The following OCA2 variants were observed in gnomAD, a reference collection of about 807,000 sequenced individuals.
OCA2 encodes P protein.
OCA2 carries 77 observed loss-of-function variants against 100.2 expected under a neutral mutation model. The observed-to-expected ratio is 0.77, with a 90% CI of 0.64 to 0.93. OCA2 has a LOEUF of 0.93. Among genes scored for constraint, OCA2 ranks in the 40% least tolerant of loss-of-function variants. The pLI is 0.00. For missense variants in OCA2, 1,062 were observed against 1,089.1 expected (o/e 0.98, Z 0.35); for synonymous variants, 432 against 439.2 (o/e 0.98, Z 0.21).
intron 2 of OCA2, among the ~76,000 whole-genome samples, chr15:28,062,243 T>C (rs1344486775): frequency 6.6e-6 from 1 of 152,242 alleles, no homozygotes. Context: ...ATTGCCATCT[T>C]TTTTATGATA....
intron 21 of OCA2, among the ~76,000 whole-genome samples, chr15:27,869,489 C>T (rs2036458495): frequency 6.6e-6 from 1 of 152,310 alleles, no homozygotes; most frequent in African/African-American, 2.4e-5. Context: ...TCTCTGATTC[C>T]ATTTTTTAAA....
At chr15:27,876,547 T>C (rs755875493) in intron 19 of OCA2, among the ~76,000 whole-genome samples, 31 of 152,180 alleles carry the variant, frequency 2.0e-4, no homozygotes, top group Non-Finnish European at 2.4e-4. Flanking sequence ...TTGAGAAAAT[T>C]AAACAGGGAA....
intron 16 of OCA2, 41 bp from the exon 17 acceptor site, chr15:27,955,256 G>A (rs764913532): frequency 1.4e-5 from 20 of 1,455,708 alleles, no homozygotes; most frequent in South Asian, 1.3e-4. Flanking sequence ...CCCTGGTCAC[G>A]CTGCGTGGTG....
chr15:28,054,216 A>ATGTG (rs71932584), intron 2 of OCA2, among the ~76,000 whole-genome samples: 13,978 of 152,120 alleles, frequency 0.092, 821 homozygotes, highest in African/African-American at 0.16. Flanking sequence ...GTGTGTATGT[A>ATGTG]TGTGTATGTG....
At chr15:28,056,372 C>T (rs913077930) in intron 2 of OCA2, among the ~76,000 whole-genome samples, 1 of 152,208 alleles carries the variant, frequency 6.6e-6, no homozygotes, top group Non-Finnish European at 1.5e-5. Flanking sequence ...GTTCCTATTG[C>T]TTGTGCAACT....
intron 14 of OCA2, among the ~76,000 whole-genome samples, chr15:27,973,757 C>A (rs1799336188): frequency 6.6e-6 from 1 of 152,138 alleles, no homozygotes; most frequent in African/African-American, 2.4e-5. Flanking sequence ...TGCATTGAAT[C>A]TGTAAGTTAC....
intron 18 of OCA2, 124 bp from the exon 19 acceptor site, chr15:27,926,378 T>G (rs1460358781): frequency 1.0e-6 from 1 of 980,070 alleles, no homozygotes; most frequent in Non-Finnish European, 1.6e-6. Flanking sequence ...CGCATATATG[T>G]AAAATGCATA....
chr15:28,013,850 T>A (rs1015790765), intron 9 of OCA2, among the ~76,000 whole-genome samples: 3 of 151,838 alleles, frequency 2.0e-5, no homozygotes, highest in African/African-American at 7.3e-5. Context: ...TAAAAGAAAA[T>A]GGATAGAAAA....
At chr15:28,036,335 G>A (rs1242050311) in intron 2 of OCA2, among the ~76,000 whole-genome samples, 1 of 152,100 alleles carries the variant, frequency 6.6e-6, no homozygotes, top group South Asian at 2.1e-4. Flanking sequence ...GAAGTTTCTT[G>A]GTGCCCATGG....
intron 21 of OCA2, among the ~76,000 whole-genome samples, chr15:27,853,823 C>A (rs973302946): frequency 2.1e-4 from 32 of 152,078 alleles, no homozygotes; most frequent in Non-Finnish European, 4.7e-4. Flanking sequence ...GAGGAGAGCA[C>A]CAATGGTGGC....
At chr15:27,752,794 TCCCCCA>T (rs1201177227), downstream of OCA2, among the ~76,000 whole-genome samples, 1 of 25,404 alleles carries the variant, frequency 3.9e-5, no homozygotes. Flanking sequence ...CAGGTCCTGG[TCCCCCA>T]CCCCCCCCCC....
chr15:27,903,401 A>G (rs900299193), intron 19 of OCA2, among the ~76,000 whole-genome samples: 6 of 152,190 alleles, frequency 3.9e-5, no homozygotes, highest in Non-Finnish European at 8.8e-5. Flanking sequence ...CCTGCCTCAG[A>G]AAGTGTCGCT....
intron 23 of OCA2, among the ~76,000 whole-genome samples, chr15:27,821,042 A>G (rs2034483049): frequency 6.6e-6 from 1 of 152,214 alleles, no homozygotes; most frequent in African/African-American, 2.4e-5. Flanking sequence ...ATTCCAAAAC[A>G]ATGTCTCAAG....
intron 14 of OCA2, among the ~76,000 whole-genome samples, chr15:27,978,939 G>A (rs904943917): frequency 2.0e-5 from 3 of 152,046 alleles, no homozygotes; most frequent in African/African-American, 4.8e-5. Flanking sequence ...CACCAGCCTC[G>A]GCCTCCCAAA....
At chr15:27,999,965 A>T (rs2041876296) in intron 9 of OCA2, among the ~76,000 whole-genome samples, 1 of 152,228 alleles carries the variant, frequency 6.6e-6, no homozygotes, top group African/African-American at 2.4e-5. Flanking sequence ...AAATCAAAGA[A>T]GATACAAATA....
intron 23 of OCA2, among the ~76,000 whole-genome samples, chr15:27,773,159 T>TA (rs1245602693): frequency 2.0e-5 from 3 of 152,240 alleles, no homozygotes; most frequent in African/African-American, 7.2e-5. Flanking sequence ...TCTCTCAAGT[T>TA]ACTCTGATCA....
chr15:28,022,694 G>GCCA, intron 5 of OCA2, 121 bp from the exon 6 acceptor site: 2 of 737,976 alleles, frequency 2.7e-6, no homozygotes, highest in Non-Finnish European at 4.9e-6. Context: ...TCCAGTACGC[G>GCCA]CCAGCTTACT....
chr15:28,067,074 G>A (rs2044046336), intron 2 of OCA2, among the ~76,000 whole-genome samples: 1 of 152,086 alleles, frequency 6.6e-6, no homozygotes, highest in South Asian at 2.1e-4. Context: ...CTGTAACCTC[G>A]GACCTCCTGG....
chr15:28,028,188 T>A, intron 3 of OCA2, 129 bp from the exon 4 acceptor site: 1 of 1,037,654 alleles, frequency 9.6e-7, no homozygotes. Flanking sequence ...CCACAGACAG[T>A]GGTGCACTCT....
Sources: allele counts gnomAD v4.1 joint callset (sites outside exome capture counted in the v4.1 genomes callset), GRCh38; gene constraint gnomAD v4.1.1; transcripts MANE v1.5; gene names NCBI Gene and HGNC (gene_info 2026-07-23, HGNC 2026-07-21).